CNKSR2: variants seen among roughly 807,000 people sequenced by gnomAD.
CNKSR2 encodes the protein CNK homolog protein 2.
A neutral mutation model predicts 84.4 loss-of-function variants in CNKSR2; 14 were observed. That is an observed-to-expected ratio of 0.17 (90% CI 0.11 to 0.26). CNKSR2 has a LOEUF of 0.26. CNKSR2 is among the 10% of genes least tolerant of loss of function. The pLI is 1.00. For missense variants in CNKSR2, 485 were observed against 771.2 expected, an observed-to-expected ratio of 0.63 and a Z score of 4.40; for synonymous variants, 275 against 277.9, an observed-to-expected ratio of 0.99 and a Z score of 0.10.
At chrX:21,387,753 TATAAC>T (rs775707294) in intron 1 of CNKSR2, among the ~76,000 whole-genome samples, 1 of 111,217 alleles carries the variant, frequency 9.0e-6, no homozygotes, top group Non-Finnish European at 1.9e-5. Flanking sequence ...ATTCAGATAA[TATAAC>T]CTACCTAGTC....
Position 21,652,429 on chromosome X carries a change from A to T in CNKSR2, c.3013A>T (p.Thr1005Ser). The stretch of plus-strand genomic sequence containing the variant: ...TTTCTTGGATATCTGTCAAAATACC[A>T]CCTCAAATGACCCACTGAGTATTTC... The part of the protein sequence containing the change: ...DLFLDICQNT[T>S]SNDPLSISSE... The change falls in exon 22 of 22, where the codon ACC becomes TCC. Residue 1005 changes from threonine (T) to serine (S), a missense_variant. This residue lies in a region of CNKSR2 where 210 missense variants were observed against 291.5 expected (regional missense o/e 0.72). Coordinates refer to ENST00000379510, the MANE Select transcript of CNKSR2 (RefSeq NM_014927.5). The T allele has an allele frequency of 8.3e-7, 1 of 1,207,612 alleles. No homozygotes were observed. Among genetic ancestry groups the T allele is most frequent in the Non-Finnish European group, 1.1e-6 (1 of 891,968 alleles).
chrX:21,539,694 T>C (rs1457003553), intron 11 of CNKSR2, among the ~76,000 whole-genome samples: 2 of 111,611 alleles, frequency 1.8e-5, no homozygotes, highest in Non-Finnish European at 3.8e-5. Flanking sequence ...ATAGTGTCAA[T>C]TGGGTAGGGT....
intron 11 of CNKSR2, among the ~76,000 whole-genome samples, chrX:21,549,711 A>G (rs1335588252): frequency 4.5e-5 from 5 of 112,013 alleles, no homozygotes; most frequent in South Asian, 3.7e-4. Flanking sequence ...TGGTATCAAA[A>G]CAGATATATA....
chrX:21,564,309 C>T (rs763756443), intron 13 of CNKSR2, among the ~76,000 whole-genome samples: 44 of 111,452 alleles, frequency 3.9e-4, no homozygotes, highest in Non-Finnish European at 7.5e-4. Context: ...GTGATCAAAT[C>T]GGCCTATTGG....
intron 20 of CNKSR2, among the ~76,000 whole-genome samples, chrX:21,611,988 T>C (rs1483819306): frequency 8.9e-6 from 1 of 112,316 alleles, no homozygotes; most frequent in Non-Finnish European, 1.9e-5. Context: ...AACAGAGTAG[T>C]GCATTCATCC....
intron 7 of CNKSR2, among the ~76,000 whole-genome samples, chrX:21,499,944 C>T (rs764386911): frequency 7.2e-5 from 8 of 110,562 alleles, no homozygotes; most frequent in African/African-American, 2.3e-4. Context: ...GCCATTTGCT[C>T]GATATTTTTT....
intron 13 of CNKSR2, among the ~76,000 whole-genome samples, chrX:21,565,638 A>G (rs1302609158): frequency 1.8e-5 from 2 of 111,505 alleles, no homozygotes; most frequent in Non-Finnish European, 3.8e-5. Context: ...ATCTTCCCCT[A>G]TAATGCTGAT....
intron 9 of CNKSR2, among the ~76,000 whole-genome samples, chrX:21,521,479 ATTCT>A (rs780751954): frequency 4.9e-4 from 54 of 110,842 alleles, no homozygotes; most frequent in African/African-American, 1.7e-3. Context: ...AAAATTGTCC[ATTCT>A]TTCTTTAGTT....
intron 11 of CNKSR2, among the ~76,000 whole-genome samples, chrX:21,541,274 C>T (rs761258694): frequency 9.0e-6 from 1 of 111,723 alleles, no homozygotes; most frequent in East Asian, 2.8e-4. Flanking sequence ...AGCCACCACG[C>T]CCGGCCTGAA....
At chrX:21,464,893 T>G (rs2147131644) in intron 4 of CNKSR2, among the ~76,000 whole-genome samples, 1 of 112,471 alleles carries the variant, frequency 8.9e-6, no homozygotes, top group East Asian at 2.8e-4. Flanking sequence ...AACAAAAATT[T>G]TCTTCAACCT....
chrX:21,379,010 A>G (rs993501484), intron 1 of CNKSR2, among the ~76,000 whole-genome samples: 71 of 112,400 alleles, frequency 6.3e-4, no homozygotes, highest in African/African-American at 2.3e-3. Context: ...TTCTGTCCTG[A>G]TGACTCAGCC....
At chrX:21,536,909 T>C (rs1323186792) in intron 11 of CNKSR2, among the ~76,000 whole-genome samples, 1 of 109,114 alleles carries the variant, frequency 9.2e-6, no homozygotes, top group Non-Finnish European at 1.9e-5. Context: ...TTGAGTTTGA[T>C]TTATTTTTGC....
chrX:21,642,572 T>C, intron 20 of CNKSR2: 1 of 735,277 alleles, frequency 1.4e-6, no homozygotes, highest in South Asian at 6.9e-5. Flanking sequence ...ATAATTTTAA[T>C]GCTAATTAAT....
At chrX:21,440,580 G>T in intron 3 of CNKSR2, 114 bp from the exon 4 acceptor site, 1 of 315,632 alleles carries the variant, frequency 3.2e-6, no homozygotes, top group South Asian at 1.3e-4. Flanking sequence ...TATCAGTATG[G>T]AAATTTCAGA....
In CNKSR2 at chrX:21,473,380, T is replaced by A. The variant is rs375784940; in HGVS notation, c.561+2573T>A. Among the ~76,000 whole-genome samples the A allele has an allele frequency of 2.7e-5, 3 of 112,077 alleles. No individual in the cohort carries two copies. In the East Asian group the frequency reaches 8.4e-4, roughly 31 times the overall value. ...TTTTCACAAGAATAATTTTTTAGAATAATAAAATAGTATACAGTACCACTT... is the reference window on the plus strand; with the variant it reads ...TTTTCACAAGAATAATTTTTTAGAAAAATAAAATAGTATACAGTACCACTT... On this transcript the variant is annotated intron_variant, in intron 5 of 21. Coordinates refer to ENST00000379510, the MANE Select transcript of CNKSR2 (RefSeq NM_014927.5).
intron 13 of CNKSR2, among the ~76,000 whole-genome samples, chrX:21,569,181 A>G (rs2092264768): frequency 9.0e-6 from 1 of 111,620 alleles, no homozygotes; most frequent in South Asian, 3.7e-4. Context: ...TTGCTAAAAT[A>G]TGCTAATGAT....
At chrX:21,617,254 A>AT (rs1196592263) in intron 20 of CNKSR2, among the ~76,000 whole-genome samples, 15 of 111,404 alleles carry the variant, frequency 1.3e-4, no homozygotes, top group African/African-American at 4.9e-4. Context: ...CTTCTAGCTT[A>AT]TTGTATAAAA....
Position 21,601,322 on chromosome X carries a change from G to T in CNKSR2, c.2017G>T (p.Glu673Ter). The change falls in exon 18 of 22, where the codon GAA (glutamate) becomes TAA (stop). Residue 673 changes from glutamate to a stop codon, truncating the protein, a stop_gained. Coordinates refer to ENST00000379510, the MANE Select transcript of CNKSR2 (RefSeq NM_014927.5). LOFTEE classifies it high-confidence loss of function. ...TAATATGCTGACTGCAGGATATGCA[G>T]AAAGAGAGAGGATTAAGCAGGAACA... Reference protein sequence around the residue: ...RINMLTAGYAERERIKQEQDY... With the variant: ...RINMLTAGYA 1 of 1,166,205 alleles carries T rather than the reference G, an allele frequency of 8.6e-7. No individual in the cohort carries two copies. The highest frequency in any genetic ancestry group is 1.2e-6 in the Non-Finnish European group (1 of 860,342).
At chrX:21,420,857 T>C (rs917766463) in intron 1 of CNKSR2, among the ~76,000 whole-genome samples, 1 of 111,016 alleles carries the variant, frequency 9.0e-6, no homozygotes, top group African/African-American at 3.3e-5. Context: ...GAAGAGATAA[T>C]ACCAGCACTC....
Sources: allele counts gnomAD v4.1 joint callset (sites outside exome capture counted in the v4.1 genomes callset), GRCh38; gene constraint gnomAD v4.1.1; regional missense constraint gnomAD v4.1.1; transcripts MANE v1.5; gene names NCBI Gene and HGNC (gene_info 2026-07-23, HGNC 2026-07-21).